Variants in CYFIP1 observed in about 807,000 individuals in gnomAD.
CYFIP1 encodes the protein cytoplasmic FMR1-interacting protein 1.
CYFIP1 carries 58 observed loss-of-function variants against 163.5 expected under a neutral mutation model. That is an observed-to-expected ratio of 0.35 (90% CI 0.29 to 0.44). The LOEUF is 0.44. CYFIP1 is among the 20% of genes least tolerant of loss of function. CYFIP1 has a pLI of 1.00. For missense variants in CYFIP1, 1,338 were observed against 1,653.8 expected (o/e 0.81, Z 3.31); for synonymous variants, 663 against 660.7 (o/e 1.00, Z -0.05).
intron 6 of CYFIP1, among the ~76,000 whole-genome samples, chr15:22,942,559 A>G (rs919704115): frequency 2.0e-5 from 3 of 152,022 alleles, no homozygotes; most frequent in Admixed American, 6.6e-5. Flanking sequence ...AGAAGCACAC[A>G]CTGGGCCATG....
At chr15:22,955,465 G>A (rs2062413602) in intron 1 of CYFIP1, among the ~76,000 whole-genome samples, 2 of 152,224 alleles carry the variant, frequency 1.3e-5, no homozygotes, top group African/African-American at 2.4e-5. Context: ...GCAGGACAGA[G>A]GCAGCATGGA....
At position 22,892,064 on chromosome 15, in the gene CYFIP1, G is replaced by A. The variant is rs570143326; in HGVS notation, c.2676+826C>T. Reference sequence around the variant, plus strand: ...GCAGAGCCCGGGGACACCGCAGCTCGCAGAGGGAAGACGCTTTCGCTCTTC... The same window carrying A: ...GCAGAGCCCGGGGACACCGCAGCTCACAGAGGGAAGACGCTTTCGCTCTTC... On this transcript the variant is annotated intron_variant, in intron 23 of 30. Coordinates refer to ENST00000617928, the MANE Select transcript of CYFIP1 (RefSeq NM_014608.6). Among the ~76,000 whole-genome samples the A allele has an allele frequency of 3.5e-3, 528 of 152,272 alleles. 3 individuals are homozygous for A. The highest frequency in any genetic ancestry group is 3.6e-3 in the Non-Finnish European group (248 of 68,008).
At chr15:22,977,306 G>T (rs949262556) in intron 1 of CYFIP1, among the ~76,000 whole-genome samples, 9 of 152,066 alleles carry the variant, frequency 5.9e-5, no homozygotes, top group African/African-American at 1.2e-4. Context: ...AGATTCCCTG[G>T]ATTTTCTATG....
chr15:22,917,739 G>T lies in CYFIP1; in HGVS notation c.1674+49C>A. On this transcript the variant is annotated intron_variant, in intron 15 of 30. Coordinates refer to ENST00000617928, the MANE Select transcript of CYFIP1 (RefSeq NM_014608.6). This position sits in a 1 kb window ranked among gnomAD's most constrained non-coding sequence, Gnocchi z 4.2. ...CAGCCCCACCCGCTCACAGCTCAGG[G>T]TGGGTCCCCCCAGGGAGAGGGTGCA... is the stretch of plus-strand genomic sequence containing the variant. 6.6e-7 allele frequency: 1 copy of T among 1,521,962 alleles called. No homozygotes were observed. The highest frequency in any genetic ancestry group is 2.0e-5 in the Admixed American group (1 of 50,698). 94.3% of individuals were successfully genotyped at this position (1,521,962 alleles called of 1,614,324 possible). A position where few individuals can be genotyped will look rare whatever the true frequency, so the allele number is the denominator to read the frequency against.
chr15:22,874,424 T>G (rs1595487288), intron 28 of CYFIP1, 126 bp downstream of exon 28: 1 of 629,224 alleles, frequency 1.6e-6, no homozygotes, highest in East Asian at 3.0e-5. Context: ...TTGCAACACT[T>G]GAGGCCTGAG....
chr15:22,886,976 C>T (rs1464299434), intron 23 of CYFIP1, among the ~76,000 whole-genome samples: 1 of 152,190 alleles, frequency 6.6e-6, no homozygotes, highest in African/African-American at 2.4e-5. Context: ...GACGCATAAA[C>T]ATCTAGCATT....
chr15:22,946,998 A>G lies in CYFIP1; in HGVS notation c.207+5T>C, dbSNP rs1287651310. On this transcript the variant is annotated splice_donor_5th_base_variant and intron_variant, in intron 3 of 30. Transcript: ENST00000617928. ...GAGAGAAACAAAGACACACCGCAAC[A>G]TTACCATGCTAGAGTGGACGGTGGC... is the stretch of plus-strand genomic sequence containing the variant. 1.9e-6 allele frequency: 3 copies of G among 1,612,462 alleles called. No homozygotes were observed. Among genetic ancestry groups the G allele is most frequent in the Non-Finnish European group, 2.5e-6 (3 of 1,178,554 alleles).
intron 1 of CYFIP1, among the ~76,000 whole-genome samples, chr15:22,979,071 G>C (rs1349050752): frequency 6.6e-6 from 1 of 152,158 alleles, no homozygotes. Flanking sequence ...CTGTCTTAAC[G>C]CAGGAAACGT....
chr15:22,954,399 G>A (rs987119033), intron 1 of CYFIP1, among the ~76,000 whole-genome samples: 7 of 152,214 alleles, frequency 4.6e-5, no homozygotes, highest in Non-Finnish European at 8.8e-5. Flanking sequence ...CAGATTCCCT[G>A]CGCTGTCTGC....
chr15:22,949,920 G>C (rs1652814728), intron 1 of CYFIP1, among the ~76,000 whole-genome samples: 2 of 151,834 alleles, frequency 1.3e-5, no homozygotes, highest in Non-Finnish European at 2.9e-5. Flanking sequence ...CTTGAGTCCA[G>C]GAGTTCAAGG....
chr15:22,872,588 A>G, intron 30 of CYFIP1: 1 of 486,986 alleles, frequency 2.1e-6, no homozygotes, highest in Non-Finnish European at 3.7e-6. Context: ...ATCCTGTAAG[A>G]CTGGAAGTAA....
rs147339581 is a variant in CYFIP1, at chr15:22,932,347, A to G, written c.993-7T>C. 1.8e-3 allele frequency: 2,914 copies of G among 1,587,112 alleles called. 49 individuals carry two copies. The African/African-American group carries it at 0.035, about 19-fold the overall frequency. On this transcript the variant is annotated splice_polypyrimidine_tract_variant and splice_region_variant and intron_variant, in intron 10 of 30. Transcript: ENST00000617928. The stretch of plus-strand genomic sequence containing the variant: ...GGAGGATGTGCACGTCCATCTGTGC[A>G]GAGAGAAAGCACCCGCGTTACCTGC...
chr15:22,974,070 TTGG>T (rs1196023434), intron 1 of CYFIP1, among the ~76,000 whole-genome samples: 1 of 152,152 alleles, frequency 6.6e-6, no homozygotes. Context: ...TTGTACACTG[TTGG>T]TGGAGATGTA....
rs773982513 is a variant in CYFIP1, at chr15:22,947,007, C to T, written c.203G>A (p.Ser68Asn). 6.2e-7 allele frequency: 1 copy of T among 1,613,410 alleles called. No homozygotes were observed. Among genetic ancestry groups the T allele is most frequent in the Non-Finnish European group, 8.5e-7 (1 of 1,179,296 alleles). ...AAAGACACACCGCAACATTACCATG[C>T]TAGAGTGGACGGTGGCTTGTTCAAT... ...RYIEQATVHS[S>N]MNEMLEEGQE... Residue 68 changes from serine (S) to asparagine (N), a missense_variant, in exon 3 of 31, where the codon AGC becomes AAC. Around this residue, in one of 4 missense-constraint regions of CYFIP1, gnomAD observed 186 missense variants for 288.3 expected, o/e 0.65. Transcript: ENST00000617928.
At position 22,917,158 on chromosome 15, in the gene CYFIP1, G is replaced by A. The variant is rs985980811; in HGVS notation, c.1675-528C>T. ...GGGTGGCTGGCACCACGCACAGGCCGAGGGCCGTCCCCCTGACCCTCCTGC... is the reference window on the plus strand; with the variant it reads ...GGGTGGCTGGCACCACGCACAGGCCAAGGGCCGTCCCCCTGACCCTCCTGC... On this transcript the variant is annotated intron_variant, in intron 15 of 30. Transcript: ENST00000617928. The surrounding 1 kb of genome is among the most constrained non-coding windows in gnomAD (Gnocchi z 4.2). 45 of 1,437,750 alleles carry A rather than the reference G, an allele frequency of 3.1e-5. No individual in the cohort carries two copies. The highest frequency in any genetic ancestry group is 2.7e-4 in the African/African-American group (19 of 69,726). The allele number at this position is 1,437,750 out of a possible 1,614,324, so 89.1% of individuals were successfully genotyped here.
intron 22 of CYFIP1, among the ~76,000 whole-genome samples, chr15:22,894,224 A>G (rs1030368123): frequency 3.3e-5 from 5 of 150,130 alleles, no homozygotes; most frequent in African/African-American, 1.2e-4. Context: ...GTAAAAATCC[A>G]TGCAGGGAGC....
Position 22,868,620 on chromosome 15 carries a change from G to GT in CYFIP1, c.*1407dup, listed in dbSNP as rs869304072. 1 of 93,472 alleles carries GT rather than the reference G, an allele frequency of 1.1e-5. No homozygotes were observed. Among genetic ancestry groups the GT allele is most frequent in the African/African-American group, 4.1e-5 (1 of 24,560 alleles). 5.8% of individuals were successfully genotyped at this position (93,472 alleles called of 1,614,324 possible). On this transcript the variant is annotated 3_prime_UTR_variant, in exon 31 of 31. Coordinates refer to ENST00000617928, the MANE Select transcript of CYFIP1 (RefSeq NM_014608.6). Reference sequence around the variant, plus strand: ...AACTTTTTATAAAGAAAGAATAATTGTTTGTTAGGCTTCATGTCACTTGAG... The same window carrying GT: ...AACTTTTTATAAAGAAAGAATAATTGTTTTGTTAGGCTTCATGTCACTTGAG...
Position 22,925,970 on chromosome 15 carries a change from G to T in CYFIP1, c.1359+12C>A. On this transcript the variant is annotated intron_variant, in intron 13 of 30. Transcript: ENST00000617928. ...GCGACATGAGGAAGAGCGAGCGGCC[G>T]AGCATCCTCACCTCCACTAGGGCAA... 6.2e-7 allele frequency: 1 copy of T among 1,611,946 alleles called. No homozygotes were observed. Among genetic ancestry groups the T allele is most frequent in the Non-Finnish European group, 8.5e-7 (1 of 1,178,290 alleles).
At chr15:22,871,976 TTTG>T (rs1252678641) in intron 30 of CYFIP1, among the ~76,000 whole-genome samples, 1 of 152,100 alleles carries the variant, frequency 6.6e-6, no homozygotes, top group East Asian at 1.9e-4. Flanking sequence ...CCTGTGGTGA[TTTG>T]TTGTCATGGA....
Sources: allele counts gnomAD v4.1 joint callset (sites outside exome capture counted in the v4.1 genomes callset), GRCh38; gene constraint gnomAD v4.1.1; regional missense constraint gnomAD v4.1.1; non-coding constraint Gnocchi (gnomAD v3.1); transcripts MANE v1.5; gene names NCBI Gene and HGNC (gene_info 2026-07-23, HGNC 2026-07-21).